VPS4A: variants seen among roughly 807,000 people sequenced by gnomAD.
VPS4A encodes the protein vacuolar protein sorting 4 homolog A, also known as vacuolar protein sorting-associated protein 4A.
VPS4A carries 20 observed loss-of-function variants against 52.3 expected under a neutral mutation model. That is an observed-to-expected ratio of 0.38 (90% CI 0.27 to 0.56). VPS4A has a LOEUF of 0.56. Ranked by LOEUF, VPS4A falls within the 20% of genes least tolerant of loss-of-function variation. VPS4A has a pLI of 0.72. For missense variants in VPS4A, 419 were observed against 575.9 expected (o/e 0.73, Z 2.79); for synonymous variants, 293 against 227.7 (o/e 1.29, Z -2.58).
rs566965065 is a variant in VPS4A at position 69,320,596 on chromosome 16, C to G, written c.770-92C>G. 1.1e-4 allele frequency: 123 copies of G among 1,135,872 alleles called. No homozygotes were observed. The African/African-American group carries it at 1.6e-3, about 15-fold the overall frequency. The allele number at this position is 1,135,872 out of a possible 1,614,324, so 70.4% of individuals were successfully genotyped here. The stretch of plus-strand genomic sequence containing the variant: ...GGTGGCACAGGGATGGCTTCAATTG[C>G]TGACACACAAAGCCCCCGGGGTCTG... On this transcript the variant is annotated intron_variant, in intron 7 of 10. Coordinates refer to ENST00000254950, the MANE Select transcript of VPS4A (RefSeq NM_013245.3). This position sits in a 1 kb window ranked among gnomAD's most constrained non-coding sequence, Gnocchi z 4.2.
chr16:69,316,378 T>G lies in VPS4A; in HGVS notation c.281+6T>G. On this transcript the variant is annotated splice_donor_region_variant and intron_variant, in intron 3 of 10. Transcript: ENST00000254950. ...AACCAGAGTGAGGGCAAGGGGTGAG[T>G]GTCTGCAGCGTCCGCCCAGGAACCT... 6.2e-7 allele frequency: 1 copy of G among 1,613,044 alleles called. No homozygotes were observed. The highest frequency in any genetic ancestry group is 8.5e-7 in the Non-Finnish European group (1 of 1,179,532).
chr16:69,317,749 A>C (rs1199246491), intron 3 of VPS4A, among the ~76,000 whole-genome samples: 3 of 152,052 alleles, frequency 2.0e-5, no homozygotes, highest in East Asian at 1.9e-4. Context: ...GCCGAGATCG[A>C]GCCACTACAC....
chr16:69,323,425 C>G (rs1353041663), intron 10 of VPS4A: 1 of 302,286 alleles, frequency 3.3e-6, no homozygotes, highest in Admixed American at 4.7e-5. Flanking sequence ...GCTGGGATTA[C>G]AAGCATGAGC....
At position 69,311,408 on chromosome 16, in the gene VPS4A, C is replaced by A; in HGVS notation, c.-104C>A. Reference sequence around the variant, plus strand: ...CCCTGCCCGCGCACCGCGCTCAGCGCCCACCGCCGGGCTTCCCGCGCCGGA... The same window carrying A: ...CCCTGCCCGCGCACCGCGCTCAGCGACCACCGCCGGGCTTCCCGCGCCGGA... On this transcript the variant is annotated 5_prime_UTR_variant, in exon 1 of 11. Transcript: ENST00000254950. 1 of 1,189,634 alleles carries A rather than the reference C, an allele frequency of 8.4e-7. No individual in the cohort carries two copies. The highest frequency in any genetic ancestry group is 1.6e-5 in the African/African-American group (1 of 62,610). The allele number at this position is 1,189,634 out of a possible 1,614,324, so 73.7% of individuals were successfully genotyped here.
chr16:69,323,960 A>AAAAAAAAG (rs1567425639), intron 10 of VPS4A, among the ~76,000 whole-genome samples: 10 of 151,214 alleles, frequency 6.6e-5, no homozygotes, highest in African/African-American at 2.4e-4. Context: ...AAAAAAAAAA[A>AAAAAAAAG]AAAAAGAAAG....
In VPS4A at chr16:69,318,952, G is replaced by T; in HGVS notation, c.463+10G>T. On this transcript the variant is annotated intron_variant, in intron 5 of 10. Coordinates refer to ENST00000254950, the MANE Select transcript of VPS4A (RefSeq NM_013245.3). ...CCACACTTGTTCACAGGTGAGAGTT[G>T]AGCCATTTCAAACCCCAATGTAAAA... The T allele has an allele frequency of 6.2e-7, 1 of 1,610,648 alleles. No homozygotes were observed. The highest frequency in any genetic ancestry group is 1.3e-5 in the African/African-American group (1 of 74,920).
At chr16:69,324,069 T>C (rs563713518) in intron 10 of VPS4A, 139 bp from the exon 11 acceptor site, 8 of 724,820 alleles carry the variant, frequency 1.1e-5, no homozygotes, top group Non-Finnish European at 1.8e-5. Context: ...GTCCCTGCCA[T>C]AGGCAGATTC....
chr16:69,318,733 G>A, intron 4 of VPS4A, 22 bp downstream of exon 4: 1 of 1,613,588 alleles, frequency 6.2e-7, no homozygotes, highest in Non-Finnish European at 8.5e-7. Flanking sequence ...GCGGCCCTGT[G>A]GCAGCGGCAG....
rs553213581 is a variant in VPS4A, at chr16:69,318,523, G to A, written c.282-127G>A. On this transcript the variant is annotated intron_variant, in intron 3 of 10. Transcript: ENST00000254950. ...CCTGAAGTACTTGCTTGAGTCACAC[G>A]GCACTGTTAAGCCAGGAAGGCTTCG... 4.4e-5 allele frequency: 44 copies of A among 999,386 alleles called. No homozygotes were observed. The East Asian group carries it at 7.1e-4, about 16-fold the overall frequency. The allele number at this position is 999,386 out of a possible 1,614,324, so 61.9% of individuals were successfully genotyped here.
intron 1 of VPS4A, among the ~76,000 whole-genome samples, chr16:69,314,408 C>T (rs951427864): frequency 7.9e-5 from 12 of 151,988 alleles, no homozygotes; most frequent in Non-Finnish European, 1.6e-4. Flanking sequence ...GTGAAAAAGT[C>T]CAAGGTACTG....
chr16:69,312,666 G>A (rs148561233), intron 1 of VPS4A, among the ~76,000 whole-genome samples: 45 of 152,274 alleles, frequency 3.0e-4, no homozygotes, highest in Admixed American at 1.6e-3. Context: ...AGACTGGAGT[G>A]CAGTGGTGTG....
rs142007260 is a variant in VPS4A, at chr16:69,318,147, G to A, written c.282-503G>A. Among the ~76,000 whole-genome samples the A allele has an allele frequency of 2.8e-4, 42 of 152,000 alleles. No individual in the cohort carries two copies. In the East Asian group the frequency reaches 7.6e-3, roughly 27 times the overall value. On this transcript the variant is annotated intron_variant, in intron 3 of 10. Coordinates refer to ENST00000254950, the MANE Select transcript of VPS4A (RefSeq NM_013245.3). ...CGTGCCACCATGCTTGGCTAATTTT[G>A]TGTTTTTTGTAGAGACAAGATCTCG... is the stretch of plus-strand genomic sequence containing the variant.
In VPS4A at chr16:69,319,460, C is replaced by T. The variant is rs769185990; in HGVS notation, c.537C>T (p.Ala179=). 2.7e-5 allele frequency: 44 copies of T among 1,613,908 alleles called. No individual in the cohort carries two copies. The highest frequency in any genetic ancestry group is 1.6e-4 in the Middle Eastern group (1 of 6,084). Residue 179 remains alanine, a synonymous_variant, in exon 6 of 11, where the codon GCC becomes GCT. Coordinates refer to ENST00000254950, the MANE Select transcript of VPS4A (RefSeq NM_013245.3). ...PGTGKSYLAK[A]VATEANNSTF... ...CAGGGAAATCCTACCTGGCCAAAGC[C>T]GTGGCAACAGAGGCCAACAACTCCA...
At chr16:69,315,125 G>C (rs999063387) in intron 1 of VPS4A, among the ~76,000 whole-genome samples, 4 of 152,102 alleles carry the variant, frequency 2.6e-5, no homozygotes. Context: ...CTTGAACCCA[G>C]GAGGTGGAGG....
At chr16:69,323,150 TG>T in intron 10 of VPS4A, 2 of 162,492 alleles carry the variant, frequency 1.2e-5, no homozygotes, top group Non-Finnish European at 2.7e-5. Context: ...TTACACTCAC[TG>T]GGGGCCCAGA....
At position 69,325,917 on chromosome 16, in the gene VPS4A, C is replaced by T. The variant is rs1965588184; in HGVS notation, c.*1608C>T. ...ATCTGTGTTGCCTGCCCAGATAGCC[C>T]CATGGCCATTTCAGTTTGCGACCCC... On this transcript the variant is annotated 3_prime_UTR_variant, in exon 11 of 11. Coordinates refer to ENST00000254950, the MANE Select transcript of VPS4A (RefSeq NM_013245.3). The T allele has an allele frequency of 6.6e-6, 1 of 152,264 alleles. No homozygotes were observed. The highest frequency in any genetic ancestry group is 2.4e-5 in the African/African-American group (1 of 41,388). 9.4% of individuals were successfully genotyped at this position (152,264 alleles called of 1,614,324 possible).
Position 69,325,370 on chromosome 16 carries a change from T to C in VPS4A, c.*1061T>C, listed in dbSNP as rs1334526341. On this transcript the variant is annotated 3_prime_UTR_variant, in exon 11 of 11. Transcript: ENST00000254950. The stretch of plus-strand genomic sequence containing the variant: ...TGTTTGGTTTGGTCTGCCGCTAACA[T>C]TTAAAAGTCGAGAGTTGCTGGGCGC... 1 of 143,126 alleles carries C rather than the reference T, an allele frequency of 7.0e-6. No homozygotes were observed. Among genetic ancestry groups the C allele is most frequent in the Non-Finnish European group, 1.6e-5 (1 of 62,434 alleles). 8.9% of individuals were successfully genotyped at this position (143,126 alleles called of 1,614,324 possible).
rs754513053 is a variant in VPS4A, at chr16:69,323,942, TC to T, written c.1213-264del. Among the ~76,000 whole-genome samples, 136 of 50,822 alleles carry T rather than the reference TC, an allele frequency of 2.7e-3. 3 individuals carry two copies. Among genetic ancestry groups the T allele is most frequent in the African/African-American group, 9.0e-3 (79 of 8,760 alleles). The allele number at this position is 50,822 out of a possible 152,430, so 33.3% of individuals were successfully genotyped here. A position where few individuals can be genotyped will look rare whatever the true frequency, so the allele number is the denominator to read the frequency against. On this transcript the variant is annotated intron_variant, in intron 10 of 10. Coordinates refer to ENST00000254950, the MANE Select transcript of VPS4A (RefSeq NM_013245.3). ...TCCAGCCTGGGTGACAGACTCCGTC[TC>T]CAAAAAAAAAAAAAAAAAAAAAGAA... is the stretch of plus-strand genomic sequence containing the variant.
chr16:69,320,077 G>T lies in VPS4A; in HGVS notation c.621-64G>T. 1.3e-6 allele frequency: 2 copies of T among 1,542,888 alleles called. No individual in the cohort carries two copies. The highest frequency in any genetic ancestry group is 2.7e-5 in the African/African-American group (2 of 73,408). Reference sequence around the variant, plus strand: ...GTGGGAAGGGTGAGAAGAGGGAAGTGCCGGGAGCCCAGGCGGGCACGGACG... The same window carrying T: ...GTGGGAAGGGTGAGAAGAGGGAAGTTCCGGGAGCCCAGGCGGGCACGGACG... On this transcript the variant is annotated intron_variant, in intron 6 of 10. Transcript: ENST00000254950. The surrounding 1 kb of genome is among the most constrained non-coding windows in gnomAD (Gnocchi z 4.2).
Sources: gnomAD v4.1 joint callset for allele counts (sites outside exome capture counted in the v4.1 genomes callset) on GRCh38, gnomAD v4.1.1 for gene constraint, Gnocchi (gnomAD v3.1) non-coding constraint, MANE v1.5 for transcripts, NCBI Gene and HGNC (gene_info 2026-07-23, HGNC 2026-07-21) for gene names.